ZNF808: variants seen among roughly 807,000 people sequenced by gnomAD.
ZNF808 encodes the protein zinc finger protein 808.
In ZNF808, 5 loss-of-function variants were observed where a neutral mutation model predicts 8.7. The observed-to-expected ratio is 0.58, with a 90% CI of 0.30 to 1.21. The LOEUF (loss-of-function observed/expected upper bound fraction) is 1.21, where lower values mean the gene tolerates loss of function less well. ZNF808 is among the 50% of genes most tolerant of loss of function. The probability of loss-of-function intolerance (pLI) is 0.07; values close to 1 mark genes in which losing one functional copy is unlikely to be tolerated. For missense variants in ZNF808, 1,103 were observed against 1,098.4 expected (o/e 1.00, Z -0.06); for synonymous variants, 380 against 366.0 (o/e 1.04, Z -0.44).
At chr19:52,537,816 GTT>G (rs1386401011) in intron 2 of ZNF808, among the ~76,000 whole-genome samples, 1 of 152,094 alleles carries the variant, frequency 6.6e-6, no homozygotes, top group African/African-American at 2.4e-5. Flanking sequence ...ATACAGATGA[GTT>G]TGAGAATTTT....
rs138714743 is a variant in ZNF808, at chr19:52,528,745, A to C, written c.-122+1034A>C. ...GGAGGACACCTGGGGATCTGGGGTG[A>C]CACAGAGTGGGGACAGGGGAGTATA... On this transcript the variant is annotated intron_variant, in intron 1 of 4. Transcript: ENST00000359798. Among the ~76,000 whole-genome samples the C allele has an allele frequency of 7.0e-3, 1,062 of 152,134 alleles. 10 individuals are homozygous for C. Among genetic ancestry groups the C allele is most frequent in the African/African-American group, 0.023 (954 of 41,506 alleles).
intron 3 of ZNF808, among the ~76,000 whole-genome samples, chr19:52,544,540 A>T (rs574036029): frequency 1.3e-5 from 2 of 152,200 alleles, no homozygotes; most frequent in Admixed American, 1.3e-4. Flanking sequence ...CATGTTCGTT[A>T]TGCTGATCTG....
rs776544335 is a variant in ZNF808, at chr19:52,553,889, C to T, written c.973C>T (p.Arg325Cys). 9.9e-6 allele frequency: 16 copies of T among 1,613,584 alleles called. No individual in the cohort carries two copies. The highest frequency in any genetic ancestry group is 2.7e-5 in the African/African-American group (2 of 74,738). ...GTGTAATGAGTGTGGCAAGGTCTTTCGTCAAAATTCAGCCCTTGTAATTCA... is the reference window on the plus strand; with the variant it reads ...GTGTAATGAGTGTGGCAAGGTCTTTTGTCAAAATTCAGCCCTTGTAATTCA... ...YKCNECGKVF[R>C]QNSALVIHKA... The change falls in exon 5 of 5, where the codon CGT (arginine) becomes TGT (cysteine). Residue 325 changes from arginine to cysteine, a missense_variant. Coordinates refer to ENST00000359798, the MANE Select transcript of ZNF808 (RefSeq NM_001039886.4).
downstream of ZNF808, among the ~76,000 whole-genome samples, chr19:52,558,307 C>T (rs2059845578): frequency 6.6e-6 from 1 of 151,780 alleles, no homozygotes; most frequent in Admixed American, 6.6e-5. Context: ...CGTGATCCGC[C>T]TGCCTCGGCC....
chr19:52,553,645 C>G lies in ZNF808; in HGVS notation c.729C>G (p.Ser243Arg), dbSNP rs766506697. 3.7e-6 allele frequency: 6 copies of G among 1,614,154 alleles called. No individual in the cohort carries two copies. The highest frequency in any genetic ancestry group is 3.3e-5 in the Admixed American group (2 of 60,006). Residue 243 changes from serine (S) to arginine (R), a missense_variant, in exon 5 of 5, where the codon AGC becomes AGG. Physicochemically the swap from Ser to Arg is moderately radical, Grantham distance 110. Transcript: ENST00000359798. ...CNESGKAFNC[S>R]SLLRKHQIPH... is the part of the protein sequence containing the mutation. The stretch of plus-strand genomic sequence containing the variant: ...AGAGTGGCAAAGCCTTTAATTGTAG[C>G]TCACTCTTAAGGAAACACCAGATAC...
downstream of ZNF808, among the ~76,000 whole-genome samples, chr19:52,558,402 C>G (rs1212178763): frequency 2.0e-5 from 3 of 149,136 alleles, no homozygotes; most frequent in African/African-American, 7.4e-5. Flanking sequence ...GACAGAATCT[C>G]ACTCTGTCAC....
chr19:52,565,308 A>G (rs1017977397), downstream of ZNF808, among the ~76,000 whole-genome samples: 7 of 152,124 alleles, frequency 4.6e-5, no homozygotes, highest in African/African-American at 1.2e-4. Context: ...CAGTGTGTCA[A>G]AGCATTATGT....
chr19:52,539,044 T>G (rs925288234), intron 2 of ZNF808, among the ~76,000 whole-genome samples: 23 of 152,034 alleles, frequency 1.5e-4, no homozygotes, highest in African/African-American at 5.3e-4. Context: ...TTTTCATGGC[T>G]GGGGTCGGGA....
At chr19:52,557,718 G>A (rs1354180188), downstream of ZNF808, among the ~76,000 whole-genome samples, 1 of 152,114 alleles carries the variant, frequency 6.6e-6, no homozygotes, top group East Asian at 1.9e-4. Context: ...ATTAACTGTC[G>A]GGAATCAATG....
At chr19:52,529,704 C>T (rs1426901583) in intron 1 of ZNF808, among the ~76,000 whole-genome samples, 2 of 151,892 alleles carry the variant, frequency 1.3e-5, no homozygotes, top group African/African-American at 4.8e-5. Flanking sequence ...TCTGTTATTA[C>T]ATAATACTTT....
chr19:52,534,175 A>G (rs1397404960), intron 2 of ZNF808, among the ~76,000 whole-genome samples: 1 of 152,056 alleles, frequency 6.6e-6, no homozygotes, highest in African/African-American at 2.4e-5. Flanking sequence ...ATAGAGAGAA[A>G]TTACAGGCGC....
intron 4 of ZNF808, among the ~76,000 whole-genome samples, chr19:52,549,195 G>T (rs1416749874): frequency 6.6e-6 from 1 of 151,976 alleles, no homozygotes; most frequent in Admixed American, 6.6e-5. Flanking sequence ...GGCCTGGCCG[G>T]TCTTGAACTC....
intron 1 of ZNF808, among the ~76,000 whole-genome samples, chr19:52,529,690 G>A (rs2059542765): frequency 6.6e-6 from 1 of 151,908 alleles, no homozygotes; most frequent in Non-Finnish European, 1.5e-5. Flanking sequence ...GAAAAAAGTC[G>A]CTGTCTGTTA....
In ZNF808 at chr19:52,553,736, C is replaced by T. The variant is rs767562811; in HGVS notation, c.820C>T (p.Leu274Phe). The T allele has an allele frequency of 2.5e-6, 4 of 1,613,986 alleles. No homozygotes were observed. The Admixed American group carries it at 5.0e-5, about 20-fold the overall frequency. Residue 274 changes from leucine to phenylalanine, a missense_variant, in exon 5 of 5, where the codon CTT becomes TTT. Leu to Phe is a conservative substitution (Grantham distance 22, BLOSUM62 0). Coordinates refer to ENST00000359798, the MANE Select transcript of ZNF808 (RefSeq NM_001039886.4). ...CGKLFNHKQY[L>F]ACHRRCHTGE... Reference sequence around the variant, plus strand: ...CAAGCTCTTTAATCACAAGCAATACCTTGCATGCCATCGTAGATGTCACAC... The same window carrying T: ...CAAGCTCTTTAATCACAAGCAATACTTTGCATGCCATCGTAGATGTCACAC...
intron 4 of ZNF808, among the ~76,000 whole-genome samples, chr19:52,548,117 A>G (rs1217076483): frequency 2.0e-5 from 3 of 152,172 alleles, no homozygotes; most frequent in Admixed American, 2.0e-4. Context: ...ACTAATGATC[A>G]TCTTCTCTAA....
At chr19:52,556,758 A>G (rs2059838825), downstream of ZNF808, 1 of 151,842 alleles carries the variant, frequency 6.6e-6, no homozygotes, top group Non-Finnish European at 1.5e-5. Flanking sequence ...GACTCCGTCT[A>G]TTAAAAAAAA....
At position 52,553,841 on chromosome 19, in the gene ZNF808, C is replaced by T. The variant is rs750010238; in HGVS notation, c.925C>T (p.His309Tyr). 1.2e-6 allele frequency: 2 copies of T among 1,614,192 alleles called. No individual in the cohort carries two copies. Among genetic ancestry groups the T allele is most frequent in the South Asian group, 1.1e-5 (1 of 91,088 alleles). ...KSSLTCHHRL[H>Y]TGVKPYKCNE... ...ATCCCTTACATGCCATCATAGACTT[C>T]ATACTGGAGTAAAACCTTACAAGTG... Residue 309 changes from histidine to tyrosine, a missense_variant, in exon 5 of 5, where the codon CAT becomes TAT. Transcript: ENST00000359798.
intron 3 of ZNF808, among the ~76,000 whole-genome samples, chr19:52,544,765 G>T (rs1193356686): frequency 6.6e-6 from 1 of 152,060 alleles, no homozygotes; most frequent in Non-Finnish European, 1.5e-5. Flanking sequence ...CATTCCAAAT[G>T]GGAGACAGCC....
In ZNF808 at chr19:52,547,398, T is replaced by C. The variant is rs371767009; in HGVS notation, c.64-114T>C. 2.6e-5 allele frequency: 41 copies of C among 1,566,234 alleles called. No individual in the cohort carries two copies. In the African/African-American group the frequency reaches 5.5e-4, roughly 21 times the overall value. ...AGTCAAAAATACCTTAACATCCTTT[T>C]GTCAGAACACAGTCTTTGATCAAAT... is the stretch of plus-strand genomic sequence containing the variant. On this transcript the variant is annotated intron_variant, in intron 3 of 4. Coordinates refer to ENST00000359798, the MANE Select transcript of ZNF808 (RefSeq NM_001039886.4).
Sources: gnomAD v4.1 joint callset for allele counts (sites outside exome capture counted in the v4.1 genomes callset) on GRCh38, gnomAD v4.1.1 for gene constraint, MANE v1.5 for transcripts, NCBI Gene and HGNC (gene_info 2026-07-23, HGNC 2026-07-21) for gene names.